The following THSD7B variants were observed in gnomAD, a reference collection of about 807,000 sequenced individuals.
THSD7B encodes thrombospondin type 1 domain containing 7B.
THSD7B carries 138 observed loss-of-function variants against 213.6 expected under a neutral mutation model. The ratio of observed to expected loss-of-function variants is 0.65; its 90% CI spans 0.56 to 0.74. The LOEUF is 0.74. THSD7B is among the 30% of genes least tolerant of loss of function. THSD7B has a pLI of 0.00. For synonymous variants in THSD7B, 742 were observed against 687.0 expected, an observed-to-expected ratio of 1.08 and a Z score of -1.25; for missense variants, 1,931 against 1,991.5, an observed-to-expected ratio of 0.97 and a Z score of 0.58.
chr2:137,485,497 C>A (rs548830415), intron 15 of THSD7B, among the ~76,000 whole-genome samples: 1 of 152,078 alleles, frequency 6.6e-6, no homozygotes, highest in Non-Finnish European at 1.5e-5. Context: ...ATTGACTTGG[C>A]GATGCGGGCC....
rs1395697316 is a variant in THSD7B at position 137,585,199 on chromosome 2, C to A, written c.3423+12643C>A. ...CAGTGGTGATATCCTTTTTATCATT[C>A]TTTTATTGCATCTGTTTGATTCTTC... On this transcript the variant is annotated intron_variant, in intron 17 of 27. Transcript: ENST00000409968. Among the ~76,000 whole-genome samples, 7 of 151,730 alleles carry A rather than the reference C, an allele frequency of 4.6e-5. No homozygotes were observed. In the East Asian group the frequency reaches 1.4e-3, roughly 29 times the overall value.
At chr2:136,990,149 C>A (rs371690739) in intron 2 of THSD7B, among the ~76,000 whole-genome samples, 2 of 152,188 alleles carry the variant, frequency 1.3e-5, no homozygotes, top group African/African-American at 4.8e-5. Flanking sequence ...GGGAAATCAG[C>A]GACATTTCTG....
intron 15 of THSD7B, among the ~76,000 whole-genome samples, chr2:137,518,427 A>G (rs962840850): frequency 1.8e-4 from 28 of 152,198 alleles, no homozygotes; most frequent in African/African-American, 6.5e-4. Flanking sequence ...GTGTGATTAC[A>G]TACTGATTCA....
chr2:136,942,134 T>A (rs549319991), intron 2 of THSD7B, among the ~76,000 whole-genome samples: 80 of 152,336 alleles, frequency 5.3e-4, no homozygotes, highest in African/African-American at 1.8e-3. Flanking sequence ...TTTTGTCAGA[T>A]TTGTCAAATA....
intron 14 of THSD7B, 92 bp downstream of exon 14, chr2:137,411,964 A>G: frequency 7.1e-7 from 1 of 1,415,276 alleles, no homozygotes; most frequent in Non-Finnish European, 9.5e-7. Context: ...TCTGCTCTAT[A>G]ATAATTGTTT....
intron 12 of THSD7B, among the ~76,000 whole-genome samples, chr2:137,405,225 G>A (rs961615088): frequency 6.7e-6 from 1 of 148,464 alleles, no homozygotes; most frequent in Admixed American, 6.7e-5. Context: ...TGACATCTAG[G>A]AGGAGCCTAA....
chr2:137,614,477 T>G lies in THSD7B; in HGVS notation c.3424-1698T>G, dbSNP rs150638220. 6.0e-3 allele frequency among the ~76,000 whole-genome samples: 915 copies of G among 152,266 alleles called. 13 individuals carry two copies. The highest frequency in any genetic ancestry group is 0.02 in the African/African-American group (827 of 41,568). ...TTTCAGACATTAATTGATTACTTTATAAGATAGAAATGTAGGAAAGCACTA... is the reference window on the plus strand; with the variant it reads ...TTTCAGACATTAATTGATTACTTTAGAAGATAGAAATGTAGGAAAGCACTA... On this transcript the variant is annotated intron_variant, in intron 17 of 27. Transcript: ENST00000409968.
chr2:137,230,349 A>G (rs1371395807), intron 7 of THSD7B, among the ~76,000 whole-genome samples: 2 of 152,228 alleles, frequency 1.3e-5, no homozygotes, highest in Non-Finnish European at 2.9e-5. Context: ...GGCAATAGCA[A>G]AATTGAGGAT....
intron 20 of THSD7B, among the ~76,000 whole-genome samples, chr2:137,625,561 T>C (rs541797791): frequency 5.9e-5 from 9 of 152,164 alleles, no homozygotes; most frequent in Admixed American, 5.9e-4. Flanking sequence ...GCATGAAATG[T>C]TAAATTTCTG....
chr2:137,635,013 C>T (rs1573756373), intron 20 of THSD7B, among the ~76,000 whole-genome samples: 1 of 151,988 alleles, frequency 6.6e-6, no homozygotes, highest in Non-Finnish European at 1.5e-5. Flanking sequence ...TGTTTCATTG[C>T]TAGTGATTAT....
intron 12 of THSD7B, among the ~76,000 whole-genome samples, chr2:137,398,529 C>T (rs1686259338): frequency 6.6e-6 from 1 of 151,762 alleles, no homozygotes; most frequent in African/African-American, 2.4e-5. Flanking sequence ...GTTCTCAGAT[C>T]TCCAGCTGCG....
chr2:137,469,845 C>G (rs188801293), intron 15 of THSD7B, among the ~76,000 whole-genome samples: 170 of 152,254 alleles, frequency 1.1e-3, no homozygotes, highest in Admixed American at 3.2e-3. Context: ...GAAACATTAG[C>G]TGCATCTTTT....
At chr2:136,921,182 G>A (rs1336590350) in intron 2 of THSD7B, among the ~76,000 whole-genome samples, 1 of 143,868 alleles carries the variant, frequency 7.0e-6, no homozygotes, top group African/African-American at 2.6e-5. Context: ...TACAGCAGCC[G>A]CTCCAGATGG....
At chr2:136,841,125 A>G (rs1377294762) in intron 1 of THSD7B, among the ~76,000 whole-genome samples, 1 of 152,152 alleles carries the variant, frequency 6.6e-6, no homozygotes, top group Non-Finnish European at 1.5e-5. Context: ...TTTACATACC[A>G]GTAACTGGAA....
chr2:137,328,022 T>C (rs1684411314), intron 12 of THSD7B, among the ~76,000 whole-genome samples: 1 of 152,194 alleles, frequency 6.6e-6, no homozygotes, highest in Non-Finnish European at 1.5e-5. Context: ...TTCTCCCTCA[T>C]TGATATGGGG....
intron 12 of THSD7B, among the ~76,000 whole-genome samples, chr2:137,323,259 TCAG>T (rs1684300011): frequency 6.6e-6 from 1 of 152,110 alleles, no homozygotes; most frequent in South Asian, 2.1e-4. Context: ...GAATGTGAAG[TCAG>T]AGGTGGAGGT....
intron 12 of THSD7B, among the ~76,000 whole-genome samples, chr2:137,326,948 A>G (rs913559544): frequency 6.6e-6 from 1 of 152,234 alleles, no homozygotes; most frequent in Non-Finnish European, 1.5e-5. Context: ...GTGTGAAAAT[A>G]ATAAATGAGC....
chr2:137,074,416 T>C (rs561822368), intron 3 of THSD7B, among the ~76,000 whole-genome samples: 23 of 152,238 alleles, frequency 1.5e-4, no homozygotes, highest in Admixed American at 1.4e-3. Flanking sequence ...ACCCCTGCCT[T>C]TTTTTGTTTT....
chr2:137,414,408 GTA>G lies in THSD7B; in HGVS notation c.2959+2548_2959+2549del, dbSNP rs139229283. Among the ~76,000 whole-genome samples, 648 of 151,514 alleles carry G rather than the reference GTA, an allele frequency of 4.3e-3. 6 individuals carry two copies. Among genetic ancestry groups the G allele is most frequent in the African/African-American group, 0.015 (605 of 41,356 alleles). On this transcript the variant is annotated intron_variant, in intron 14 of 27. Transcript: ENST00000409968. ...TAATAAAGACTTAGTGTGTGTGTGT[GTA>G]TATATATATATCCATCCATGAATTG...
Sources: gnomAD v4.1 joint callset for allele counts (sites outside exome capture counted in the v4.1 genomes callset) on GRCh38, gnomAD v4.1.1 for gene constraint, MANE v1.5 for transcripts, NCBI Gene and HGNC (gene_info 2026-07-23, HGNC 2026-07-21) for gene names.